The following CCDC33 variants were observed in gnomAD, a reference collection of about 807,000 sequenced individuals.
CCDC33 encodes coiled-coil domain-containing protein 33.
A neutral mutation model predicts 91.9 loss-of-function variants in CCDC33; 94 were observed. The observed-to-expected ratio is 1.02, with a 90% CI of 0.87 to 1.21. The LOEUF (loss-of-function observed/expected upper bound fraction) is 1.21. Ranked by LOEUF, CCDC33 falls within the 50% of genes most tolerant of loss-of-function variation. The pLI is 0.00. For synonymous variants in CCDC33, 396 were observed against 374.5 expected, an observed-to-expected ratio of 1.06 and a Z score of -0.66; for missense variants, 940 against 935.5, an observed-to-expected ratio of 1.00 and a Z score of -0.06.
chr15:74,333,384 GCCCCT>G, intron 16 of CCDC33: 2 of 1,321,434 alleles, frequency 1.5e-6, no homozygotes, highest in Non-Finnish European at 2.1e-6. Context: ...TGCTTCAGGG[GCCCCT>G]TGCTTTACAT....
intron 10 of CCDC33, among the ~76,000 whole-genome samples, chr15:74,284,827 C>G (rs2059441250): frequency 6.6e-6 from 1 of 152,238 alleles, no homozygotes; most frequent in African/African-American, 2.4e-5. Flanking sequence ...TATTGTTGCG[C>G]CTAAGGTGTT....
intron 11 of CCDC33, among the ~76,000 whole-genome samples, chr15:74,297,839 C>T (rs573891979): frequency 1.3e-5 from 2 of 152,246 alleles, no homozygotes; most frequent in African/African-American, 2.4e-5. Context: ...AGCAACCTCT[C>T]CTGCTCAGCT....
intron 3 of CCDC33, 23 bp downstream of exon 3, chr15:74,262,596 C>T (rs199944405): frequency 3.6e-5 from 57 of 1,605,084 alleles, no homozygotes; most frequent in East Asian, 6.7e-5. Flanking sequence ...TGGGCAGGGC[C>T]GGCATGTGCA....
At chr15:74,268,494 GGT>G in intron 5 of CCDC33, 36 bp downstream of exon 5, 48 of 1,449,848 alleles carry the variant, frequency 3.3e-5, no homozygotes, top group Non-Finnish European at 3.8e-5. Flanking sequence ...TGGTGGTGGG[GGT>G]GGGAAAGGGC....
intron 11 of CCDC33, among the ~76,000 whole-genome samples, chr15:74,299,316 T>C (rs1219976833): frequency 6.6e-6 from 1 of 152,182 alleles, no homozygotes; most frequent in Non-Finnish European, 1.5e-5. Context: ...TAGCCCTGGT[T>C]TGCTATCGGG....
chr15:74,311,443 G>A (rs561326317), intron 11 of CCDC33: 1 of 152,310 alleles, frequency 6.6e-6, no homozygotes, highest in South Asian at 2.1e-4. Flanking sequence ...CTAAACAGAC[G>A]AGGCTCTAAT....
At chr15:74,253,051 A>G (rs767780309) in intron 2 of CCDC33, among the ~76,000 whole-genome samples, 7 of 152,082 alleles carry the variant, frequency 4.6e-5, no homozygotes, top group Non-Finnish European at 1.0e-4. Flanking sequence ...TGAAACCCCC[A>G]TTCAGACTCA....
chr15:74,313,029 G>T (rs1355965958), intron 11 of CCDC33, among the ~76,000 whole-genome samples: 1 of 152,174 alleles, frequency 6.6e-6, no homozygotes, highest in Admixed American at 6.5e-5. Flanking sequence ...CCCCACTCTG[G>T]CTCCCATAGC....
intron 11 of CCDC33, among the ~76,000 whole-genome samples, chr15:74,319,174 G>A (rs1404848124): frequency 6.6e-6 from 1 of 152,210 alleles, no homozygotes; most frequent in African/African-American, 2.4e-5. Context: ...AGTTGCCAAA[G>A]CATTTCTTCT....
intron 2 of CCDC33, among the ~76,000 whole-genome samples, chr15:74,211,802 C>T (rs2074371585): frequency 1.3e-5 from 2 of 152,132 alleles, no homozygotes; most frequent in South Asian, 4.1e-4. Flanking sequence ...CTGTTTCACC[C>T]TCTCTGTGTC....
intron 10 of CCDC33, among the ~76,000 whole-genome samples, chr15:74,287,982 A>G (rs931092070): frequency 2.0e-4 from 31 of 152,220 alleles, no homozygotes; most frequent in African/African-American, 5.8e-4. Context: ...GAATCCCCCT[A>G]TAGTGTTCCC....
intron 11 of CCDC33, among the ~76,000 whole-genome samples, chr15:74,307,699 A>C (rs367700425): frequency 1.3e-5 from 2 of 149,024 alleles, no homozygotes; most frequent in African/African-American, 2.5e-5. Context: ...AACATTTGAG[A>C]GTATAAGCAA....
At chr15:74,307,205 C>T (rs1378187914) in intron 11 of CCDC33, among the ~76,000 whole-genome samples, 1 of 152,132 alleles carries the variant, frequency 6.6e-6, no homozygotes, top group Non-Finnish European at 1.5e-5. Flanking sequence ...GACTATAGAA[C>T]CAGGAGCGAC....
intron 11 of CCDC33, among the ~76,000 whole-genome samples, chr15:74,310,981 G>A (rs1280596615): frequency 6.6e-6 from 1 of 152,204 alleles, no homozygotes; most frequent in Non-Finnish European, 1.5e-5. Context: ...CAGCAGTGAG[G>A]TGGTTTTCCG....
chr15:74,331,127 G>C lies in CCDC33; in HGVS notation c.1677+15G>C. The stretch of plus-strand genomic sequence containing the variant: ...ACCAAGAGAAGGCAGGTGGCAGAGG[G>C]GCTGCCCCCGAGGCCAACTGATGAT... On this transcript the variant is annotated intron_variant, in intron 14 of 18. Transcript: ENST00000398814. The C allele has an allele frequency of 6.2e-7, 1 of 1,613,356 alleles. No homozygotes were observed. Among genetic ancestry groups the C allele is most frequent in the Non-Finnish European group, 8.5e-7 (1 of 1,179,554 alleles).
At chr15:74,214,497 G>C (rs183297517), upstream of CCDC33, among the ~76,000 whole-genome samples, 26 of 152,346 alleles carry the variant, frequency 1.7e-4, no homozygotes, top group South Asian at 4.1e-4. Context: ...GCAGCCAGGA[G>C]TAGAGAGAAC....
At chr15:74,334,348 G>A (rs1054234536) in intron 17 of CCDC33, among the ~76,000 whole-genome samples, 1 of 151,566 alleles carries the variant, frequency 6.6e-6, no homozygotes, top group African/African-American at 2.4e-5. Flanking sequence ...AGGGTTCAGT[G>A]TGTGACCAGG....
chr15:74,314,812 C>T (rs994869629), intron 11 of CCDC33, among the ~76,000 whole-genome samples: 1 of 152,220 alleles, frequency 6.6e-6, no homozygotes, highest in Non-Finnish European at 1.5e-5. Context: ...ACATGTCCCG[C>T]CTCCGGGAGC....
At chr15:74,255,054 CTTT>C (rs894371284) in intron 2 of CCDC33, among the ~76,000 whole-genome samples, 3 of 152,030 alleles carry the variant, frequency 2.0e-5, no homozygotes, top group African/African-American at 7.2e-5. Context: ...GGCCTCTATA[CTTT>C]TTAAGAGATC....
Sources: gnomAD v4.1 joint callset for allele counts (sites outside exome capture counted in the v4.1 genomes callset) on GRCh38, gnomAD v4.1.1 for gene constraint, MANE v1.5 for transcripts, NCBI Gene and HGNC (gene_info 2026-07-23, HGNC 2026-07-21) for gene names.